ZNF91: variants seen among roughly 807,000 people sequenced by gnomAD.
ZNF91 encodes zinc finger protein 91.
A neutral mutation model predicts 12.6 loss-of-function variants in ZNF91; 7 were observed. That is an observed-to-expected ratio of 0.55 (90% CI 0.31 to 1.04). ZNF91 has a LOEUF of 1.04. Ranked by LOEUF, ZNF91 falls within the 50% of genes least tolerant of loss-of-function variation. The pLI, the probability that ZNF91 is intolerant of heterozygous loss-of-function variation, is 0.05. For missense variants in ZNF91, 1,217 were observed against 1,385.4 expected (o/e 0.88, Z 1.93); for synonymous variants, 453 against 462.6 (o/e 0.98, Z 0.27).
intron 2 of ZNF91, chr19:23,307,705 G>A (rs1490149093): frequency 6.6e-6 from 1 of 152,182 alleles, no homozygotes; most frequent in Non-Finnish European, 1.5e-5. Flanking sequence ...ACCCACAGGG[G>A]GTACTGTGAG....
At chr19:23,326,516 C>G (rs556937355) in intron 1 of ZNF91, 1 of 152,230 alleles carries the variant, frequency 6.6e-6, no homozygotes, top group East Asian at 1.9e-4. Context: ...TCAGTAGAGA[C>G]AGGTTTCACC....
intron 1 of ZNF91, among the ~76,000 whole-genome samples, chr19:23,392,001 A>T (rs1251321772): frequency 2.6e-5 from 4 of 152,242 alleles, no homozygotes; most frequent in Non-Finnish European, 5.9e-5. Flanking sequence ...AGAAAAGTTT[A>T]AGGTGTTTAC....
intron 1 of ZNF91, among the ~76,000 whole-genome samples, chr19:23,392,416 A>G (rs1471375342): frequency 6.6e-6 from 1 of 151,096 alleles, no homozygotes; most frequent in African/African-American, 2.4e-5. Context: ...AAAAAAAAGA[A>G]AAAAAAATAG....
At chr19:23,311,551 G>C (rs1006291345), upstream of ZNF91, among the ~76,000 whole-genome samples, 1 of 152,122 alleles carries the variant, frequency 6.6e-6, no homozygotes, top group Admixed American at 6.5e-5. Flanking sequence ...AGGGTATTGT[G>C]ACGTATTTTT....
intron 1 of ZNF91, chr19:23,327,089 A>G (rs918744703): frequency 3.9e-5 from 6 of 152,184 alleles, no homozygotes; most frequent in Non-Finnish European, 8.8e-5. Flanking sequence ...ATGAGTTAAT[A>G]GGAGTGTTGC....
At chr19:23,392,118 G>A (rs949290780) in intron 1 of ZNF91, among the ~76,000 whole-genome samples, 9 of 152,070 alleles carry the variant, frequency 5.9e-5, no homozygotes, top group African/African-American at 1.7e-4. Flanking sequence ...TTAGTCTGCC[G>A]GGCACAGTGG....
At chr19:23,392,962 C>T (rs1200343838) in intron 1 of ZNF91, among the ~76,000 whole-genome samples, 1 of 152,176 alleles carries the variant, frequency 6.6e-6, no homozygotes, top group Non-Finnish European at 1.5e-5. Context: ...TCTCAGGAGA[C>T]TCTGAACTAT....
At chr19:23,385,108 G>T (rs758038802) in intron 1 of ZNF91, 2 of 812,896 alleles carry the variant, frequency 2.5e-6, no homozygotes, top group Non-Finnish European at 4.2e-6. Context: ...CAACCTGTCC[G>T]AACAGTACCC....
chr19:23,382,049 C>CAAAAAAAAAAAAAAAAAA (rs60814223), intron 1 of ZNF91, among the ~76,000 whole-genome samples: 1 of 79,402 alleles, frequency 1.3e-5, no homozygotes, highest in African/African-American at 4.1e-5. Context: ...AATCCTGAGA[C>CAAAAAAAAAAAAAAAAAA]AAAAAAAAAA....
At chr19:23,341,386 A>G (rs559243332) in intron 3 of ZNF91, among the ~76,000 whole-genome samples, 3 of 152,276 alleles carry the variant, frequency 2.0e-5, no homozygotes, top group Admixed American at 2.0e-4. Context: ...ATCATTGGGT[A>G]TCTACCCAAA....
In ZNF91 at chr19:23,362,668, A is replaced by G; in HGVS notation, c.311T>C (p.Phe104Ser). 6.4e-7 allele frequency: 1 copy of G among 1,550,678 alleles called. No individual in the cohort carries two copies. Among genetic ancestry groups the G allele is most frequent in the Non-Finnish European group, 8.7e-7 (1 of 1,155,380 alleles). Reference protein sequence around the residue: ...FWPEQSMEDSFQKVLLRKYEK... With the variant: ...FWPEQSMEDSSQKVLLRKYEK... ...ATATTTTCTCAGTAATACTTTTTGAAAAGAATCTTCCATGCTCTGCTCTGG... is the reference window on the plus strand; with the variant it reads ...ATATTTTCTCAGTAATACTTTTTGAGAAGAATCTTCCATGCTCTGCTCTGG... The change falls in exon 4 of 4, where the codon TTT becomes TCT. Residue 104 changes from phenylalanine (F) to serine (S), a missense_variant. Transcript: ENST00000300619.
chr19:23,378,467 G>A (rs905001767), intron 1 of ZNF91, among the ~76,000 whole-genome samples: 14 of 152,022 alleles, frequency 9.2e-5, no homozygotes, highest in African/African-American at 2.7e-4. Context: ...AAACAAAAAC[G>A]AAAACAGAAA....
upstream of ZNF91, among the ~76,000 whole-genome samples, chr19:23,313,989 C>A (rs1297192597): frequency 6.6e-6 from 1 of 152,174 alleles, no homozygotes; most frequent in Admixed American, 6.5e-5. Flanking sequence ...CTGATTATCA[C>A]ATACACTTCT....
downstream of ZNF91, among the ~76,000 whole-genome samples, chr19:23,356,554 G>T (rs563815884): frequency 2.0e-4 from 30 of 152,178 alleles, no homozygotes; most frequent in East Asian, 5.4e-3. Context: ...AAAGACATAA[G>T]AATAATACAA....
chr19:23,368,552 C>CTATA (rs1452832461), intron 3 of ZNF91, among the ~76,000 whole-genome samples: 21 of 79,268 alleles, frequency 2.6e-4, no homozygotes, highest in African/African-American at 7.1e-4. Flanking sequence ...CTCTCTCTCT[C>CTATA]TCTCTCTCTC....
At chr19:23,385,857 T>C (rs1969851419) in intron 1 of ZNF91, among the ~76,000 whole-genome samples, 1 of 152,164 alleles carries the variant, frequency 6.6e-6, no homozygotes, top group Admixed American at 6.6e-5. Context: ...TATATCTACA[T>C]TGCAAAATTT....
In ZNF91 at chr19:23,384,499, G is replaced by A. The variant is rs1004374634; in HGVS notation, c.31-9735C>T. 2.4e-5 allele frequency: 22 copies of A among 908,578 alleles called. No homozygotes were observed. The East Asian group carries it at 6.5e-4, about 27-fold the overall frequency. 56.3% of individuals were successfully genotyped at this position (908,578 alleles called of 1,614,324 possible). A position where few individuals can be genotyped will look rare whatever the true frequency, so the allele number is the denominator to read the frequency against. Reference sequence around the variant, plus strand: ...TGTGAAAAAAGTTGCCCTTTCTTCCGCTTGCAAAACAGACATTCTCAAATT... The same window carrying A: ...TGTGAAAAAAGTTGCCCTTTCTTCCACTTGCAAAACAGACATTCTCAAATT... On this transcript the variant is annotated intron_variant, in intron 1 of 3. Coordinates refer to ENST00000300619, the MANE Select transcript of ZNF91 (RefSeq NM_003430.4).
chr19:23,387,396 T>C (rs566558178), intron 1 of ZNF91, among the ~76,000 whole-genome samples: 2 of 152,320 alleles, frequency 1.3e-5, no homozygotes, highest in South Asian at 4.1e-4. Flanking sequence ...TCAACTTGAA[T>C]GCCTATCAAT....
chr19:23,338,668 T>A (rs1414710527), downstream of ZNF91: 8 of 135,734 alleles, frequency 5.9e-5, no homozygotes, highest in East Asian at 2.5e-4. Flanking sequence ...GATAAAAAAA[T>A]AAGACAAGAA....
Sources: gnomAD v4.1 joint callset for allele counts (sites outside exome capture counted in the v4.1 genomes callset) on GRCh38, gnomAD v4.1.1 for gene constraint, MANE v1.5 for transcripts, NCBI Gene and HGNC (gene_info 2026-07-23, HGNC 2026-07-21) for gene names.